RALGAPA1: variants seen among roughly 807,000 people sequenced by gnomAD.
RALGAPA1 encodes the protein Ral GTPase activating protein catalytic subunit alpha 1.
In RALGAPA1, 52 loss-of-function variants were observed where a neutral mutation model predicts 269.6. The ratio of observed to expected loss-of-function variants is 0.19; its 90% CI spans 0.15 to 0.24. The LOEUF (loss-of-function observed/expected upper bound fraction) is 0.24. Ranked by LOEUF, RALGAPA1 falls within the 10% of genes least tolerant of loss-of-function variation. The pLI, the probability that RALGAPA1 is intolerant of heterozygous loss-of-function variation, is 1.00. For missense variants in RALGAPA1, 1,917 were observed against 3,013.9 expected, an observed-to-expected ratio of 0.64 and a Z score of 8.52; for synonymous variants, 817 against 1,008.3, an observed-to-expected ratio of 0.81 and a Z score of 3.60.
At chr14:35,575,106 C>T (rs143494699) in intron 37 of RALGAPA1, among the ~76,000 whole-genome samples, 31 of 146,058 alleles carry the variant, frequency 2.1e-4, no homozygotes, top group African/African-American at 6.9e-4. Flanking sequence ...CCAGCCTGTG[C>T]GACACAGTGA....
At chr14:35,642,643 T>A (rs1372836940) in intron 31 of RALGAPA1, among the ~76,000 whole-genome samples, 3 of 152,114 alleles carry the variant, frequency 2.0e-5, no homozygotes, top group Admixed American at 2.0e-4. Flanking sequence ...TGAGATACCA[T>A]CTCACACCAG....
intron 37 of RALGAPA1, among the ~76,000 whole-genome samples, chr14:35,576,296 C>G (rs1365068409): frequency 6.6e-6 from 1 of 152,166 alleles, no homozygotes; most frequent in African/African-American, 2.4e-5. Context: ...TCAAATGGAA[C>G]TTGTAGTCAG....
chr14:35,574,325 G>A (rs2057406392), intron 37 of RALGAPA1, among the ~76,000 whole-genome samples: 1 of 152,122 alleles, frequency 6.6e-6, no homozygotes, highest in Non-Finnish European at 1.5e-5. Context: ...AAAAGGGCAA[G>A]TATACTTTTA....
At chr14:35,583,136 G>A (rs544033706) in intron 37 of RALGAPA1, among the ~76,000 whole-genome samples, 2 of 152,322 alleles carry the variant, frequency 1.3e-5, no homozygotes, top group Admixed American at 6.5e-5. Flanking sequence ...ATGTGGCAGA[G>A]ATGCTAGAAT....
At chr14:35,645,770 A>G (rs1417515642) in intron 31 of RALGAPA1, among the ~76,000 whole-genome samples, 1 of 151,692 alleles carries the variant, frequency 6.6e-6, no homozygotes, top group Non-Finnish European at 1.5e-5. Context: ...AGCAATGTGC[A>G]TGCCTAGTTC....
intron 15 of RALGAPA1, 75 bp downstream of exon 15, chr14:35,722,951 CT>C: frequency 2.7e-6 from 2 of 745,572 alleles, no homozygotes; most frequent in Non-Finnish European, 4.5e-6. Context: ...ACCCTCACCC[CT>C]CTCCCTGGAA....
At chr14:35,611,484 G>A (rs960569005) in intron 35 of RALGAPA1, among the ~76,000 whole-genome samples, 1 of 149,316 alleles carries the variant, frequency 6.7e-6, no homozygotes, top group Non-Finnish European at 1.5e-5. Context: ...CCTAGTGACA[G>A]CGAGACTCCA....
chr14:35,616,054 G>A (rs541989271), intron 35 of RALGAPA1, among the ~76,000 whole-genome samples: 6 of 152,004 alleles, frequency 3.9e-5, no homozygotes, highest in African/African-American at 7.2e-5. Context: ...AGTTGGGAGC[G>A]GTAAAGGCAA....
intron 27 of RALGAPA1, among the ~76,000 whole-genome samples, chr14:35,659,924 G>A (rs2140109474): frequency 6.6e-6 from 1 of 151,998 alleles, no homozygotes; most frequent in African/African-American, 2.4e-5. Context: ...TAGCTCAAAG[G>A]TATGAATATC....
intron 3 of RALGAPA1, among the ~76,000 whole-genome samples, chr14:35,773,623 T>G (rs2074799108): frequency 6.6e-6 from 1 of 152,142 alleles, no homozygotes; most frequent in African/African-American, 2.4e-5. Context: ...AATCATTAGC[T>G]TGCTTTCTCT....
intron 37 of RALGAPA1, among the ~76,000 whole-genome samples, chr14:35,592,211 A>G (rs555806546): frequency 1.9e-4 from 29 of 152,324 alleles, no homozygotes; most frequent in Non-Finnish European, 4.0e-4. Flanking sequence ...AGAAATAAGA[A>G]GGATTATAAA....
At chr14:35,807,446 A>G (rs2077454455) in intron 1 of RALGAPA1, among the ~76,000 whole-genome samples, 1 of 152,156 alleles carries the variant, frequency 6.6e-6, no homozygotes, top group African/African-American at 2.4e-5. Flanking sequence ...AATAAATACA[A>G]TTTACTTGTG....
In RALGAPA1 at chr14:35,688,751, A is replaced by G. The variant is rs920806729; in HGVS notation, c.3660T>C (p.Thr1220=). The change falls in exon 18 of 42, where the codon ACT becomes ACC. Residue 1220 remains threonine (T), a synonymous_variant. Transcript: ENST00000680220. ...GVYRPLDTLG[T]ASVSSKTVKE... ...TCACTGTTTTGCTGCTTACTGATGC[A>G]GTACCAAGTGTATCTAGAGGTCTGT... 1.4e-6 allele frequency: 2 copies of G among 1,461,002 alleles called. No homozygotes were observed. Among genetic ancestry groups the G allele is most frequent in the Non-Finnish European group, 1.8e-6 (2 of 1,113,710 alleles). 90.5% of individuals were successfully genotyped at this position (1,461,002 alleles called of 1,614,324 possible).
rs146060882 is a variant in RALGAPA1, at chr14:35,613,427, C to T, written c.6930-7718G>A. Among the ~76,000 whole-genome samples, 1,126 of 152,238 alleles carry T rather than the reference C, an allele frequency of 7.4e-3. 13 individuals carry two copies. The highest frequency in any genetic ancestry group is 0.01 in the Non-Finnish European group (697 of 68,012). ...TAGGCAAAGACGTTTATATTATTTT[C>T]CTAGGGTTTCTGTAACAAATTACAC... On this transcript the variant is annotated intron_variant, in intron 35 of 41. Transcript: ENST00000680220.
chr14:35,638,455 A>G (rs530953499), intron 31 of RALGAPA1, among the ~76,000 whole-genome samples: 6 of 152,326 alleles, frequency 3.9e-5, no homozygotes, highest in African/African-American at 1.4e-4. Context: ...GTAACCTCCA[A>G]TATAAACACA....
intron 4 of RALGAPA1, among the ~76,000 whole-genome samples, chr14:35,768,940 G>A (rs1257834769): frequency 6.9e-6 from 1 of 144,150 alleles, no homozygotes; most frequent in Admixed American, 7.0e-5. Context: ...TCTGGGAGGC[G>A]GAGGTTGTGG....
At chr14:35,596,606 G>A (rs2058945498) in intron 36 of RALGAPA1, among the ~76,000 whole-genome samples, 1 of 152,050 alleles carries the variant, frequency 6.6e-6, no homozygotes, top group Non-Finnish European at 1.5e-5. Flanking sequence ...AAATATCAGT[G>A]TCAGTTACTA....
At chr14:35,637,715 T>G (rs913929670) in intron 31 of RALGAPA1, among the ~76,000 whole-genome samples, 2 of 152,124 alleles carry the variant, frequency 1.3e-5, no homozygotes, top group African/African-American at 4.8e-5. Flanking sequence ...CAAGTACAAG[T>G]AGGTTATAGA....
At chr14:35,797,503 G>T (rs2076660604) in intron 1 of RALGAPA1, among the ~76,000 whole-genome samples, 1 of 152,002 alleles carries the variant, frequency 6.6e-6, no homozygotes, top group Admixed American at 6.6e-5. Flanking sequence ...TCTGTCATTT[G>T]ATAACATGGT....
Sources: allele counts gnomAD v4.1 joint callset (sites outside exome capture counted in the v4.1 genomes callset), GRCh38; gene constraint gnomAD v4.1.1; transcripts MANE v1.5; gene names NCBI Gene and HGNC (gene_info 2026-07-23, HGNC 2026-07-21).